KRT82: variants seen among roughly 807,000 people sequenced by gnomAD.
KRT82 encodes keratin, type II cuticular Hb2.
KRT82 carries 44 observed loss-of-function variants against 48.0 expected under a neutral mutation model. The observed-to-expected ratio is 0.92, with a 90% CI of 0.72 to 1.18. The LOEUF is 1.18. Among genes scored for constraint, KRT82 ranks in the 50% most tolerant of loss-of-function variants. The pLI is 0.00. For missense variants in KRT82, 701 were observed against 671.4 expected (o/e 1.04, Z -0.49); for synonymous variants, 297 against 278.3 (o/e 1.07, Z -0.67).
intron 1 of KRT82, among the ~76,000 whole-genome samples, chr12:52,405,527 G>A (rs138326894): frequency 1.5e-4 from 23 of 152,338 alleles, no homozygotes; most frequent in African/African-American, 5.3e-4. Context: ...GCCTCATCAG[G>A]AAGGGCATTT....
chr12:52,399,277 C>T (rs1939755201), intron 5 of KRT82, among the ~76,000 whole-genome samples: 2 of 152,372 alleles, frequency 1.3e-5, no homozygotes, highest in South Asian at 4.1e-4. Context: ...TCCAACCCTA[C>T]CCTGGAACCC....
intron 6 of KRT82, 86 bp from the exon 7 acceptor site, chr12:52,396,318 G>T: frequency 7.8e-7 from 1 of 1,276,618 alleles, no homozygotes; most frequent in Non-Finnish European, 1.1e-6. Flanking sequence ...CACGGGGGTG[G>T]CTACGTGCCA....
rs1285492767 is a variant in KRT82, at chr12:52,395,801, G to C, written c.1290-11C>G. 1.9e-6 allele frequency: 3 copies of C among 1,543,274 alleles called. No homozygotes were observed. Among genetic ancestry groups the C allele is most frequent in the Non-Finnish European group, 2.6e-6 (3 of 1,146,152 alleles). On this transcript the variant is annotated splice_polypyrimidine_tract_variant and intron_variant, in intron 7 of 8. Coordinates refer to ENST00000257974, the MANE Select transcript of KRT82 (RefSeq NM_033033.4). ...ATGCCTTCGCACAGCCTGGGGATGA[G>C]AGGAAAAAGAAAACAGGTATCTACA...
chr12:52,394,880 G>A lies in KRT82; in HGVS notation c.*95C>T. The A allele has an allele frequency of 9.5e-7, 1 of 1,049,068 alleles. No homozygotes were observed. The highest frequency in any genetic ancestry group is 1.5e-6 in the Non-Finnish European group (1 of 683,084). 65.0% of individuals were successfully genotyped at this position (1,049,068 alleles called of 1,614,324 possible). A position where few individuals can be genotyped will look rare whatever the true frequency, so the allele number is the denominator to read the frequency against. Reference sequence around the variant, plus strand: ...GAATGTGGAGTCAATAAAGGGAGGTGGGGTTTTGGAACATCCTTGTCTTCA... The same window carrying A: ...GAATGTGGAGTCAATAAAGGGAGGTAGGGTTTTGGAACATCCTTGTCTTCA... On this transcript the variant is annotated 3_prime_UTR_variant, in exon 9 of 9. Coordinates refer to ENST00000257974, the MANE Select transcript of KRT82 (RefSeq NM_033033.4).
At chr12:52,395,712 C>A in intron 8 of KRT82, 47 bp downstream of exon 8, 1 of 1,478,802 alleles carries the variant, frequency 6.8e-7, no homozygotes, top group South Asian at 1.3e-5. Context: ...TTGGGGTGAT[C>A]AACCCCCAAG....
rs1292690900 is a variant in KRT82, at chr12:52,395,139, C to T, written c.1378G>A (p.Val460Ile). The T allele has an allele frequency of 1.9e-6, 3 of 1,614,106 alleles. No homozygotes were observed. Among genetic ancestry groups the T allele is most frequent in the African/African-American group, 1.3e-5 (1 of 75,030 alleles). ...LYEPCGVSTP[V>I]LSTGVLRSNG... ...CTCCTGAGGACGCCAGTGCTGAGGACAGGCGTGCTGACCCCACATGGCTCG... is the reference window on the plus strand; with the variant it reads ...CTCCTGAGGACGCCAGTGCTGAGGATAGGCGTGCTGACCCCACATGGCTCG... Residue 460 changes from valine (V) to isoleucine (I), a missense_variant, in exon 9 of 9, where the codon GTC becomes ATC. By Grantham distance (29) the Val-to-Ile change is conservative. Transcript: ENST00000257974.
rs1055980545 is a variant in KRT82 at position 52,394,991 on chromosome 12, G to C, written c.1526C>G (p.Pro509Arg). ...CGGATCATGCTAATGCTTGTGGCTGGGGGAGCTGCCCCCAGCTCCTAGCGT... is the reference window on the plus strand; with the variant it reads ...CGGATCATGCTAATGCTTGTGGCTGCGGGAGCTGCCCCCAGCTCCTAGCGT... ...SMTLGAGGSSPSHKH is the reference protein window; with the variant it reads ...SMTLGAGGSSRSHKH Residue 509 changes from proline to arginine, a missense_variant, in exon 9 of 9, where the codon CCC becomes CGC. Transcript: ENST00000257974. 2 of 1,613,306 alleles carry C rather than the reference G, an allele frequency of 1.2e-6. No homozygotes were observed. Among genetic ancestry groups the C allele is most frequent in the African/African-American group, 2.7e-5 (2 of 75,006 alleles).
chr12:52,400,164 C>T lies in KRT82; in HGVS notation c.778-15G>A. 3 of 1,607,922 alleles carry T rather than the reference C, an allele frequency of 1.9e-6. No individual in the cohort carries two copies. Among genetic ancestry groups the T allele is most frequent in the Non-Finnish European group, 2.6e-6 (3 of 1,175,638 alleles). The stretch of plus-strand genomic sequence containing the variant: ...AGGCAGATCTCCTGGGGGCAGGGCC[C>T]ATGTGAGAAGGAGTGAGCTCTCTGA... On this transcript the variant is annotated splice_polypyrimidine_tract_variant and intron_variant, in intron 4 of 8. Coordinates refer to ENST00000257974, the MANE Select transcript of KRT82 (RefSeq NM_033033.4).
chr12:52,403,849 G>A lies in KRT82; in HGVS notation c.472C>T (p.Gln158Ter), dbSNP rs1253830250. 1 of 1,613,952 alleles carries A rather than the reference G, an allele frequency of 6.2e-7. No individual in the cohort carries two copies. Among genetic ancestry groups the A allele is most frequent in the Admixed American group, 1.7e-5 (1 of 60,028 alleles). The change falls in exon 2 of 9, where the codon CAG becomes TAG. Residue 158 changes from glutamine (Q) to a stop codon, truncating the protein, a stop_gained. Transcript: ENST00000257974. LOFTEE classifies it high-confidence loss of function. ...LETKWNFMQQQRCCQTNIEPI... is the reference protein window; with the variant it reads ...LETKWNFMQQ ...TCGATGTTGGTCTGGCAGCACCTCT[G>A]CTGCTGCATGAAGTTCCACTTGGTC...
chr12:52,400,161 G>T lies in KRT82; in HGVS notation c.778-12C>A. ...AGCAGGCAGATCTCCTGGGGGCAGG[G>T]CCCATGTGAGAAGGAGTGAGCTCTC... On this transcript the variant is annotated splice_polypyrimidine_tract_variant and intron_variant, in intron 4 of 8. Coordinates refer to ENST00000257974, the MANE Select transcript of KRT82 (RefSeq NM_033033.4). The T allele has an allele frequency of 6.2e-7, 1 of 1,608,586 alleles. No homozygotes were observed. The highest frequency in any genetic ancestry group is 1.3e-5 in the African/African-American group (1 of 74,950).
Position 52,400,138 on chromosome 12 carries a change from C to A in KRT82, c.789G>T (p.Leu263=). Residue 263 remains leucine, a synonymous_variant, in exon 5 of 9, where the codon CTG becomes CTT. Transcript: ENST00000257974. Reference sequence around the variant, plus strand: ...AGGTCTCAGAGATCTGAGACTGGAGCAGGCAGATCTCCTGGGGGCAGGGCC... The same window carrying A: ...AGGTCTCAGAGATCTGAGACTGGAGAAGGCAGATCTCCTGGGGGCAGGGCC... ...LKSLYEEEIC[L]LQSQISETSV... 1 of 1,613,232 alleles carries A rather than the reference C, an allele frequency of 6.2e-7. No individual in the cohort carries two copies. Among genetic ancestry groups the A allele is most frequent in the South Asian group, 1.1e-5 (1 of 91,024 alleles).
Position 52,396,923 on chromosome 12 carries a change from A to C in KRT82, c.1028T>G (p.Ile343Ser), listed in dbSNP as rs1197203276. Residue 343 changes from isoleucine to serine, a missense_variant, in exon 6 of 9, where the codon ATC (isoleucine) becomes AGC (serine). Transcript: ENST00000257974. ...KNEILEMNKL[I>S]QRLQQETENV... ...CTCGGTTTCTTGCTGCAGCCGCTGG[A>C]TCAGTTTATTCATTTCCAGGATCTC... 1 of 1,614,026 alleles carries C rather than the reference A, an allele frequency of 6.2e-7. No homozygotes were observed. The highest frequency in any genetic ancestry group is 8.5e-7 in the Non-Finnish European group (1 of 1,179,984).
intron 1 of KRT82, 148 bp from the exon 2 acceptor site, chr12:52,404,057 TG>T: frequency 1.5e-6 from 1 of 673,254 alleles, no homozygotes; most frequent in Non-Finnish European, 2.5e-6. Flanking sequence ...CTGCATAGAC[TG>T]GCATCTGAGG....
chr12:52,402,952 G>T (rs1939808607), intron 2 of KRT82, among the ~76,000 whole-genome samples: 1 of 152,114 alleles, frequency 6.6e-6, no homozygotes, highest in African/African-American at 2.4e-5. Flanking sequence ...GATTCCCATG[G>T]GGCACTGGAT....
intron 6 of KRT82, among the ~76,000 whole-genome samples, chr12:52,396,627 T>C (rs1939719434): frequency 6.6e-6 from 1 of 152,202 alleles, no homozygotes; most frequent in Admixed American, 6.5e-5. Flanking sequence ...TTGCACCTAG[T>C]GAAGCATCCT....
chr12:52,400,509 G>T lies in KRT82; in HGVS notation c.777+18C>A. ...GCTCCAGCCCTGACTAACCACCCAA[G>T]GTCAGGGCTGTGGGTACCTCCTCAT... is the stretch of plus-strand genomic sequence containing the variant. On this transcript the variant is annotated intron_variant, in intron 4 of 8. Coordinates refer to ENST00000257974, the MANE Select transcript of KRT82 (RefSeq NM_033033.4). The T allele has an allele frequency of 3.8e-6, 6 of 1,590,446 alleles. No individual in the cohort carries two copies. Among genetic ancestry groups the T allele is most frequent in the South Asian group, 1.1e-5 (1 of 90,598 alleles).
chr12:52,396,742 G>T, intron 6 of KRT82, 141 bp downstream of exon 6: 2 of 909,950 alleles, frequency 2.2e-6, no homozygotes, highest in South Asian at 1.7e-5. Context: ...GAAAGGGCTT[G>T]CTTCTGCTTG....
intron 4 of KRT82, 151 bp from the exon 5 acceptor site, chr12:52,400,300 C>T (rs1565782319): frequency 1.1e-6 from 1 of 891,204 alleles, no homozygotes; most frequent in African/African-American, 1.7e-5. Flanking sequence ...CTCCTTGTCC[C>T]CACCCTCTGG....
At chr12:52,404,748 A>G (rs1939831226) in intron 1 of KRT82, among the ~76,000 whole-genome samples, 1 of 152,242 alleles carries the variant, frequency 6.6e-6, no homozygotes, top group Admixed American at 6.5e-5. Context: ...TGTTTTTGGA[A>G]TAAGTTTATA....
Sources: allele counts gnomAD v4.1 joint callset (sites outside exome capture counted in the v4.1 genomes callset), GRCh38; gene constraint gnomAD v4.1.1; transcripts MANE v1.5; gene names NCBI Gene and HGNC (gene_info 2026-07-23, HGNC 2026-07-21).